SLC30A6: variants seen among roughly 807,000 people sequenced by gnomAD.
SLC30A6 encodes zinc transporter 6.
In SLC30A6, 55 loss-of-function variants were observed where a neutral mutation model predicts 63.0. That is an observed-to-expected ratio of 0.87 (90% CI 0.70 to 1.09). The LOEUF is 1.09. Among genes scored for constraint, SLC30A6 ranks in the 50% least tolerant of loss-of-function variants. The pLI is 0.00. For missense variants in SLC30A6, 587 were observed against 549.2 expected, an observed-to-expected ratio of 1.07 and a Z score of -0.69; for synonymous variants, 224 against 186.1, an observed-to-expected ratio of 1.20 and a Z score of -1.66.
intron 11 of SLC30A6, among the ~76,000 whole-genome samples, chr2:32,205,015 G>A (rs1191201295): frequency 6.6e-6 from 1 of 151,914 alleles, no homozygotes; most frequent in African/African-American, 2.4e-5. Context: ...CTCTCACTAT[G>A]TTGCCCAGGC....
intron 10 of SLC30A6, among the ~76,000 whole-genome samples, chr2:32,201,094 A>G (rs1449210612): frequency 2.0e-5 from 3 of 152,128 alleles, no homozygotes; most frequent in Non-Finnish European, 4.4e-5. Flanking sequence ...CTTGTCACTC[A>G]ATCTTTTGTG....
intron 11 of SLC30A6, among the ~76,000 whole-genome samples, chr2:32,206,198 G>A (rs1161132397): frequency 6.6e-6 from 1 of 151,542 alleles, no homozygotes; most frequent in Non-Finnish European, 1.5e-5. Context: ...TGTAATCCCA[G>A]CACTTTGGGA....
rs199814875 is a variant in SLC30A6 at position 32,217,054 on chromosome 2, A to AT, written c.886-3159_886-3158insT. 3.2e-3 allele frequency among the ~76,000 whole-genome samples: 473 copies of AT among 149,358 alleles called. 1 individual carries two copies. Among genetic ancestry groups the AT allele is most frequent in the Admixed American group, 6.4e-3 (96 of 15,018 alleles). On this transcript the variant is annotated intron_variant, in intron 13 of 13. Transcript: ENST00000282587. ...CAGGCATTTGCCACCACGCCCGGCAAATTTTTTTTTTTTTTTCCATTTTTG... is the reference window on the plus strand; with the variant it reads ...CAGGCATTTGCCACCACGCCCGGCAATATTTTTTTTTTTTTTTCCATTTTTG...
chr2:32,209,472 A>C, intron 12 of SLC30A6, 21 bp from the exon 13 acceptor site: 3 of 1,590,736 alleles, frequency 1.9e-6, no homozygotes, highest in Non-Finnish European at 2.6e-6. Flanking sequence ...AACTCTGATC[A>C]CCTCTTTCTG....
At chr2:32,198,290 T>C (rs760517598) in intron 10 of SLC30A6, among the ~76,000 whole-genome samples, 2 of 152,232 alleles carry the variant, frequency 1.3e-5, no homozygotes, top group African/African-American at 2.4e-5. Context: ...TTTGTCCTTA[T>C]TGTTCTTGCT....
intron 4 of SLC30A6, among the ~76,000 whole-genome samples, chr2:32,177,829 A>G (rs557519152): frequency 1.3e-5 from 2 of 150,444 alleles, no homozygotes; most frequent in African/African-American, 4.9e-5. Flanking sequence ...GGGTTTTCCC[A>G]TATTGAACAG....
At chr2:32,183,513 C>T (rs969963133) in intron 4 of SLC30A6, among the ~76,000 whole-genome samples, 28 of 151,164 alleles carry the variant, frequency 1.9e-4, no homozygotes, top group South Asian at 1.7e-3. Flanking sequence ...GAAACCTCGT[C>T]TCTACTAAAA....
At chr2:32,201,006 G>A (rs114809778) in intron 10 of SLC30A6, among the ~76,000 whole-genome samples, 1 of 152,202 alleles carries the variant, frequency 6.6e-6, no homozygotes, top group Non-Finnish European at 1.5e-5. Flanking sequence ...TCATGCCCCT[G>A]CACATGCTGC....
intron 10 of SLC30A6, chr2:32,201,596 A>C: frequency 6.7e-7 from 1 of 1,486,350 alleles, no homozygotes; most frequent in Non-Finnish European, 9.1e-7. Context: ...AGCAGTGGCC[A>C]GTAATGCCTG....
Position 32,175,381 on chromosome 2 carries a change from T to G in SLC30A6, c.218+20T>G, listed in dbSNP as rs777448163. ...TTTTAGGTAAGTTTTTAGGAAATCT[T>G]AATGTTTTGGAGCTAATAAGGAACT... On this transcript the variant is annotated intron_variant, in intron 4 of 13. Transcript: ENST00000282587. 3 of 1,607,194 alleles carry G rather than the reference T, an allele frequency of 1.9e-6. No individual in the cohort carries two copies. The highest frequency in any genetic ancestry group is 2.5e-6 in the Non-Finnish European group (3 of 1,176,738).
At chr2:32,184,636 G>C (rs952460774) in intron 5 of SLC30A6, among the ~76,000 whole-genome samples, 1 of 152,106 alleles carries the variant, frequency 6.6e-6, no homozygotes, top group Admixed American at 6.6e-5. Context: ...GTGGTGGCAT[G>C]CACCTGTAAT....
chr2:32,174,021 T>G, intron 2 of SLC30A6, 42 bp from the exon 3 acceptor site: 1 of 1,488,072 alleles, frequency 6.7e-7, no homozygotes, highest in Non-Finnish European at 9.3e-7. Context: ...CCCGTGAAAT[T>G]TATCACTTCT....
At position 32,220,603 on chromosome 2, in the gene SLC30A6, C is replaced by G. The variant is rs1162385781; in HGVS notation, c.1276C>G (p.Gln426Glu). ...GHTPYSSMLN[Q>E]GLGVPGIGAT... Reference sequence around the variant, plus strand: ...CACACCTTACAGCAGCATGCTTAATCAAGGACTTGGAGTTCCAGGAATTGG... The same window carrying G: ...CACACCTTACAGCAGCATGCTTAATGAAGGACTTGGAGTTCCAGGAATTGG... The change falls in exon 14 of 14, where the codon CAA (glutamine) becomes GAA (glutamate). Residue 426 changes from glutamine to glutamate, a missense_variant. By Grantham distance (29) the Gln-to-Glu change is conservative. Transcript: ENST00000282587. The G allele has an allele frequency of 6.2e-7, 1 of 1,614,160 alleles. No individual in the cohort carries two copies. The highest frequency in any genetic ancestry group is 8.5e-7 in the Non-Finnish European group (1 of 1,180,036).
At chr2:32,177,522 C>A in intron 4 of SLC30A6, 1 of 224,734 alleles carries the variant, frequency 4.4e-6, no homozygotes, top group South Asian at 3.9e-5. Flanking sequence ...AAACTCCTGA[C>A]CTCAAGTGGT....
chr2:32,200,130 C>CAT (rs995797685), intron 10 of SLC30A6, among the ~76,000 whole-genome samples: 12 of 151,678 alleles, frequency 7.9e-5, no homozygotes, highest in African/African-American at 2.2e-4. Flanking sequence ...TATATATAAA[C>CAT]ATATATATAT....
intron 10 of SLC30A6, among the ~76,000 whole-genome samples, chr2:32,200,093 C>G (rs929207219): frequency 6.6e-6 from 1 of 151,956 alleles, no homozygotes; most frequent in African/African-American, 2.4e-5. Flanking sequence ...CACACACACA[C>G]ACAAATATAA....
rs1292581517 is a variant in SLC30A6, at chr2:32,200,816, C to T, written c.665+2990C>T. Among the ~76,000 whole-genome samples, 7 of 145,694 alleles carry T rather than the reference C, an allele frequency of 4.8e-5. No individual in the cohort carries two copies. The South Asian group carries it at 8.7e-4, about 18-fold the overall frequency. On this transcript the variant is annotated intron_variant, in intron 10 of 13. Coordinates refer to ENST00000282587, the MANE Select transcript of SLC30A6 (RefSeq NM_017964.5). Reference sequence around the variant, plus strand: ...CCAAGTCCCCCTCTGCGAGAAACACCCAAGAATGATCAATAAAGAAAAAAA... The same window carrying T: ...CCAAGTCCCCCTCTGCGAGAAACACTCAAGAATGATCAATAAAGAAAAAAA...
At chr2:32,203,832 G>C in intron 10 of SLC30A6, 3 of 1,419,606 alleles carry the variant, frequency 2.1e-6, no homozygotes, top group Non-Finnish European at 3.0e-6. Flanking sequence ...ATTCCAGACA[G>C]AGGAGTGGTT....
chr2:32,192,472 A>G (rs1683418735), intron 6 of SLC30A6, 56 bp downstream of exon 6: 1 of 1,475,536 alleles, frequency 6.8e-7, no homozygotes, highest in Non-Finnish European at 9.4e-7. Context: ...TGGGAACATG[A>G]AAGAAACCCG....
Sources: gnomAD v4.1 joint callset for allele counts (sites outside exome capture counted in the v4.1 genomes callset) on GRCh38, gnomAD v4.1.1 for gene constraint, MANE v1.5 for transcripts, NCBI Gene and HGNC (gene_info 2026-07-23, HGNC 2026-07-21) for gene names.